SLC9C1: variants seen among roughly 807,000 people sequenced by gnomAD.
SLC9C1 encodes sodium/hydrogen exchanger 10.
A neutral mutation model predicts 140.9 loss-of-function variants in SLC9C1; 97 were observed. The observed-to-expected ratio is 0.69, with a 90% confidence interval of 0.58 to 0.82. The LOEUF is 0.82. SLC9C1 is among the 40% of genes least tolerant of loss of function. The pLI, the probability that SLC9C1 is intolerant of heterozygous loss-of-function variation, is 0.00. For missense variants in SLC9C1, 1,340 were observed against 1,389.3 expected (o/e 0.96, Z 0.56); for synonymous variants, 440 against 442.6 (o/e 0.99, Z 0.07).
intron 28 of SLC9C1, among the ~76,000 whole-genome samples, chr3:112,148,681 T>C (rs1168104273): frequency 6.6e-6 from 1 of 152,240 alleles, no homozygotes; most frequent in East Asian, 1.9e-4. Context: ...CCGTGTTTAC[T>C]GGCAGAAACT....
At chr3:112,226,423 C>CA (rs1364213209) in intron 13 of SLC9C1, among the ~76,000 whole-genome samples, 2 of 151,896 alleles carry the variant, frequency 1.3e-5, no homozygotes, top group African/African-American at 2.4e-5. Flanking sequence ...ACTTTTACAT[C>CA]AAAAAAATAG....
At chr3:112,258,886 C>T (rs2079688218) in intron 10 of SLC9C1, among the ~76,000 whole-genome samples, 1 of 152,056 alleles carries the variant, frequency 6.6e-6, no homozygotes, top group Admixed American at 6.6e-5. Flanking sequence ...GAAAAGCAGG[C>T]AAAATCTTCA....
chr3:112,252,492 G>C (rs2079490069), intron 10 of SLC9C1, among the ~76,000 whole-genome samples: 1 of 152,152 alleles, frequency 6.6e-6, no homozygotes, highest in Non-Finnish European at 1.5e-5. Flanking sequence ...GGTTTAAGCA[G>C]ACCCCCAGAA....
chr3:112,253,920 G>A (rs760674775), intron 10 of SLC9C1, among the ~76,000 whole-genome samples: 45 of 152,076 alleles, frequency 3.0e-4, no homozygotes, highest in Non-Finnish European at 5.6e-4. Context: ...GAGCTGAAAA[G>A]CACACTACAA....
At chr3:112,166,898 C>G (rs899691382) in intron 26 of SLC9C1, among the ~76,000 whole-genome samples, 1 of 152,040 alleles carries the variant, frequency 6.6e-6, no homozygotes, top group Non-Finnish European at 1.5e-5. Context: ...GTTTGTTGTT[C>G]AGACAGTACA....
At chr3:112,151,637 G>C in intron 28 of SLC9C1, 1 of 535,184 alleles carries the variant, frequency 1.9e-6, no homozygotes, top group South Asian at 1.8e-5. Flanking sequence ...GAGGAAACCA[G>C]AATATTATGA....
chr3:112,265,182 T>C lies in SLC9C1; in HGVS notation c.879-839A>G, dbSNP rs544123042. 3.9e-5 allele frequency among the ~76,000 whole-genome samples: 6 copies of C among 152,100 alleles called. No individual in the cohort carries two copies. In the South Asian group the frequency reaches 1.2e-3, roughly 32 times the overall value. On this transcript the variant is annotated intron_variant, in intron 8 of 28. Coordinates refer to ENST00000305815, the MANE Select transcript of SLC9C1 (RefSeq NM_183061.3). ...GGTTCAGAGAGATCACCTACTTCAA[T>C]TGTAGGCTCAATAGTACTAGGAACG...
chr3:112,209,719 A>C (rs1332010259), intron 15 of SLC9C1, among the ~76,000 whole-genome samples: 2 of 152,192 alleles, frequency 1.3e-5, no homozygotes, highest in Non-Finnish European at 2.9e-5. Context: ...TGAAAATGAA[A>C]TTATGAAAAC....
intron 10 of SLC9C1, among the ~76,000 whole-genome samples, chr3:112,261,957 A>T (rs1307303167): frequency 6.6e-6 from 1 of 152,060 alleles, no homozygotes; most frequent in African/African-American, 2.4e-5. Flanking sequence ...ATGGGCAAAT[A>T]CTACAAATTA....
At chr3:112,155,152 G>T in intron 26 of SLC9C1, 103 bp from the exon 27 acceptor site, 1 of 896,936 alleles carries the variant, frequency 1.1e-6, no homozygotes, top group Non-Finnish European at 1.6e-6. Context: ...TCACACTCAG[G>T]ACCTGTGATC....
chr3:112,273,822 GGATT>G (rs1173914077), intron 6 of SLC9C1, among the ~76,000 whole-genome samples: 1 of 152,040 alleles, frequency 6.6e-6, no homozygotes, highest in Non-Finnish European at 1.5e-5. Context: ...GCAGCAGAGT[GGATT>G]GTTTGATACC....
At chr3:112,232,129 G>T (rs2078846355) in intron 12 of SLC9C1, among the ~76,000 whole-genome samples, 1 of 152,118 alleles carries the variant, frequency 6.6e-6, no homozygotes, top group South Asian at 2.1e-4. Flanking sequence ...TGATTCCAAG[G>T]TTGGTGTTCT....
chr3:112,147,429 T>C, intron 28 of SLC9C1: 1 of 287,644 alleles, frequency 3.5e-6, no homozygotes, highest in African/African-American at 2.3e-5. Context: ...TTGCCATTCT[T>C]TTCTTTCCTT....
rs1560016706 is a variant in SLC9C1 at position 112,163,212 on chromosome 3, CA to C, written c.3364+4008del. On this transcript the variant is annotated intron_variant, in intron 26 of 28. Transcript: ENST00000305815. ...GGTCTATCTATTTTGTTGATCCTTT[CA>C]AAAAACCAGCTCCTGGATTCATTAA... 3.4e-5 allele frequency among the ~76,000 whole-genome samples: 5 copies of C among 147,662 alleles called. No homozygotes were observed. The South Asian group carries it at 1.1e-3, about 33-fold the overall frequency.
intron 23 of SLC9C1, among the ~76,000 whole-genome samples, chr3:112,173,632 A>G (rs904123429): frequency 2.0e-5 from 3 of 152,210 alleles, no homozygotes; most frequent in African/African-American, 7.2e-5. Flanking sequence ...CTATGGCTGC[A>G]TAGTATTCCA....
chr3:112,167,233 G>T lies in SLC9C1; in HGVS notation c.3352C>A (p.Pro1118Thr). 1 of 1,607,338 alleles carries T rather than the reference G, an allele frequency of 6.2e-7. No individual in the cohort carries two copies. Among genetic ancestry groups the T allele is most frequent in the Non-Finnish European group, 8.5e-7 (1 of 1,177,458 alleles). Residue 1118 changes from proline to threonine, a missense_variant, in exon 26 of 29, where the codon CCA becomes ACA. Transcript: ENST00000305815. ...FVPKHKSYLT[P>T]GLIGSVGTLE... ...AAGTCTAACTCACCTATTAATCCTG[G>T]TGTAAGATAACTTTTATGTTTAGGA...
chr3:112,196,966 A>G (rs1322027988), intron 20 of SLC9C1, among the ~76,000 whole-genome samples: 1 of 152,022 alleles, frequency 6.6e-6, no homozygotes, highest in East Asian at 1.9e-4. Context: ...TTAAAAAAAA[A>G]AAACTGAATT....
intron 28 of SLC9C1, among the ~76,000 whole-genome samples, chr3:112,144,379 A>C (rs759412394): frequency 4.0e-5 from 6 of 151,836 alleles, no homozygotes; most frequent in Non-Finnish European, 8.8e-5. Context: ...GGGTTTCACC[A>C]TGTTGGCCAG....
At chr3:112,194,329 G>T (rs991529343) in intron 20 of SLC9C1, among the ~76,000 whole-genome samples, 1 of 152,124 alleles carries the variant, frequency 6.6e-6, no homozygotes, top group African/African-American at 2.4e-5. Context: ...GGGGAGATGG[G>T]GCTGCAGAAG....
Sources: gnomAD v4.1 joint callset for allele counts (sites outside exome capture counted in the v4.1 genomes callset) on GRCh38, gnomAD v4.1.1 for gene constraint, MANE v1.5 for transcripts, NCBI Gene and HGNC (gene_info 2026-07-23, HGNC 2026-07-21) for gene names.